Variants in BTBD10 observed in about 807,000 individuals in gnomAD.
BTBD10 encodes the protein BTB domain containing 10, also known as BTB/POZ domain-containing protein 10.
A neutral mutation model predicts 53.2 loss-of-function variants in BTBD10; 21 were observed. The observed-to-expected ratio is 0.39, with a 90% confidence interval of 0.28 to 0.57. BTBD10 has a LOEUF of 0.57. BTBD10 is among the 20% of genes least tolerant of loss of function. BTBD10 has a pLI of 0.53. For missense variants in BTBD10, 360 were observed against 594.7 expected (o/e 0.61, Z 4.10); for synonymous variants, 149 against 192.7 (o/e 0.77, Z 1.88).
At chr11:13,422,312 C>A (rs1833450744) in intron 2 of BTBD10, among the ~76,000 whole-genome samples, 1 of 152,158 alleles carries the variant, frequency 6.6e-6, no homozygotes, top group African/African-American at 2.4e-5. Flanking sequence ...TTCAGTTGAG[C>A]CTTTTCAAAA....
chr11:13,390,439 G>A (rs1949376480), intron 8 of BTBD10, among the ~76,000 whole-genome samples: 1 of 151,966 alleles, frequency 6.6e-6, no homozygotes, highest in South Asian at 2.1e-4. Flanking sequence ...TGTCTTCCGG[G>A]TTCAAGAGAT....
intron 5 of BTBD10, among the ~76,000 whole-genome samples, chr11:13,414,862 A>G (rs1290159281): frequency 6.7e-6 from 1 of 149,456 alleles, no homozygotes; most frequent in Non-Finnish European, 1.5e-5. Context: ...AAAAAAAAAA[A>G]AAAGAAAAGA....
Position 13,417,260 on chromosome 11 carries a change from C to T in BTBD10, c.585G>A (p.Arg195=), listed in dbSNP as rs771964612. Residue 195 remains arginine (R), a splice_region_variant and synonymous_variant, in exon 5 of 9, where the codon AGG becomes AGA. Coordinates refer to ENST00000278174, the MANE Select transcript of BTBD10 (RefSeq NM_032320.7). ...TATGTTCTCGGCCAGATCCAAACAT[C>T]CTATGATAGTAAATAATTGAGAAAT... ...FTAQPNTMLG[R]MFGSGREHNF... is the part of the protein sequence containing the mutation. The T allele has an allele frequency of 1.2e-5, 19 of 1,599,648 alleles. 1 individual carries two copies. The highest frequency in any genetic ancestry group is 1.0e-4 in the South Asian group (9 of 89,200).
chr11:13,428,732 G>A (rs1950393307), intron 2 of BTBD10, among the ~76,000 whole-genome samples: 1 of 152,008 alleles, frequency 6.6e-6, no homozygotes, highest in East Asian at 1.9e-4. Flanking sequence ...ATAAGAATCA[G>A]AAATAAGAAT....
At chr11:13,419,363 C>T in intron 4 of BTBD10, 97 bp downstream of exon 4, 1 of 1,448,614 alleles carries the variant, frequency 6.9e-7, no homozygotes, top group South Asian at 1.3e-5. Flanking sequence ...AGAAATGTTA[C>T]ATTTCAACAG....
chr11:13,413,607 G>T lies in BTBD10; in HGVS notation c.731C>A (p.Ser244Tyr). 3.7e-6 allele frequency: 6 copies of T among 1,611,418 alleles called. No homozygotes were observed. The highest frequency in any genetic ancestry group is 5.1e-6 in the Non-Finnish European group (6 of 1,178,250). Residue 244 changes from serine to tyrosine, a missense_variant, in exon 6 of 9, where the codon TCT (serine) becomes TAT (tyrosine). Coordinates refer to ENST00000278174, the MANE Select transcript of BTBD10 (RefSeq NM_032320.7). ...TGIIRCPDGI[S>Y]IPELREACDY... ...ACATGCTTCTCTCAGTTCAGGAATAGATATGCCATCAGGACAACGGATTAT... is the reference window on the plus strand; with the variant it reads ...ACATGCTTCTCTCAGTTCAGGAATATATATGCCATCAGGACAACGGATTAT...
Position 13,389,061 on chromosome 11 carries a change from A to C in BTBD10, c.1198T>G (p.Phe400Val). ...EVIYNYVQRP[F>V]IRMSWEKEEG... is the part of the protein sequence containing the mutation. Reference sequence around the variant, plus strand: ...TCCTTCTCCCAGGACATTCGAATAAAGGGTCTTTGGACATAGTTGTAGATC... The same window carrying C: ...TCCTTCTCCCAGGACATTCGAATAACGGGTCTTTGGACATAGTTGTAGATC... The change falls in exon 9 of 9, where the codon TTT becomes GTT. Residue 400 changes from phenylalanine to valine, a missense_variant. Physicochemically the swap from Phe to Val is conservative, Grantham distance 50 (BLOSUM62 -1). Transcript: ENST00000278174. The C allele has an allele frequency of 6.2e-7, 1 of 1,614,102 alleles. No homozygotes were observed. The highest frequency in any genetic ancestry group is 8.5e-7 in the Non-Finnish European group (1 of 1,180,036).
rs377317797 is a variant in BTBD10 at position 13,417,168 on chromosome 11, C to T, written c.677G>A (p.Arg226Gln). 1.8e-5 allele frequency: 29 copies of T among 1,611,628 alleles called. No individual in the cohort carries two copies. The highest frequency in any genetic ancestry group is 2.0e-5 in the Non-Finnish European group (24 of 1,179,070). Residue 226 changes from arginine (R) to glutamine (Q), a missense_variant, in exon 5 of 9, where the codon CGA becomes CAA. By Grantham distance (43) the Arg-to-Gln change is conservative (BLOSUM62 1). Coordinates refer to ENST00000278174, the MANE Select transcript of BTBD10 (RefSeq NM_032320.7). ...ATAAGAAACACTCACCAGAATCGCT[C>T]GAAACACAGTGGAACCAATTCCCTC... ...VAEGIGSTVF[R>Q]AILDYYKTGI...
At chr11:13,448,268 T>C (rs996324788) in intron 1 of BTBD10, among the ~76,000 whole-genome samples, 2 of 152,176 alleles carry the variant, frequency 1.3e-5, no homozygotes, top group South Asian at 4.1e-4. Flanking sequence ...TCTATTCAAG[T>C]TGTACTGTTG....
intron 1 of BTBD10, among the ~76,000 whole-genome samples, chr11:13,455,942 A>G (rs1432178424): frequency 3.9e-5 from 6 of 152,150 alleles, no homozygotes; most frequent in Admixed American, 6.5e-5. Context: ...TAAAGGCTCT[A>G]TTAAATATGA....
rs112322073 is a variant in BTBD10, at chr11:13,402,658, ACT to A, written c.1117+508_1117+509del. Among the ~76,000 whole-genome samples the A allele has an allele frequency of 4.3e-3, 662 of 152,226 alleles. 9 individuals carry two copies. The highest frequency in any genetic ancestry group is 0.015 in the African/African-American group (626 of 41,542). On this transcript the variant is annotated intron_variant, in intron 8 of 8. Coordinates refer to ENST00000278174, the MANE Select transcript of BTBD10 (RefSeq NM_032320.7). ...TAATTCATAAAGTAAGCTATCTAAA[ACT>A]CTGTGCATTTACATAAGATGAAAGA...
At chr11:13,394,972 G>C (rs1403775382) in intron 8 of BTBD10, among the ~76,000 whole-genome samples, 5 of 151,128 alleles carry the variant, frequency 3.3e-5, no homozygotes, top group Non-Finnish European at 5.9e-5. Context: ...TTCCAAGTCT[G>C]TGCTATTGTG....
chr11:13,405,482 T>C (rs1413722215), intron 7 of BTBD10, 177 bp downstream of exon 7: 5 of 631,684 alleles, frequency 7.9e-6, no homozygotes. Context: ...TTACAACTAC[T>C]CAACTCTGCC....
chr11:13,401,468 A>G (rs1358528818), intron 8 of BTBD10, among the ~76,000 whole-genome samples: 2 of 152,192 alleles, frequency 1.3e-5, no homozygotes, highest in Non-Finnish European at 2.9e-5. Flanking sequence ...ACCTGAACAG[A>G]GTATTATTTA....
At chr11:13,443,366 AT>A (rs1439381076) in intron 2 of BTBD10, among the ~76,000 whole-genome samples, 1 of 152,110 alleles carries the variant, frequency 6.6e-6, no homozygotes, top group Non-Finnish European at 1.5e-5. Context: ...TGCACTGTTC[AT>A]TTTTATTAAT....
intron 5 of BTBD10, among the ~76,000 whole-genome samples, chr11:13,413,852 T>C (rs1950024397): frequency 6.6e-6 from 1 of 152,178 alleles, no homozygotes; most frequent in Non-Finnish European, 1.5e-5. Flanking sequence ...CAGGTCCAAA[T>C]GAATTCACCG....
At chr11:13,411,706 GT>G (rs1397218135) in intron 6 of BTBD10, among the ~76,000 whole-genome samples, 2 of 151,860 alleles carry the variant, frequency 1.3e-5, no homozygotes, top group Non-Finnish European at 2.9e-5. Flanking sequence ...AAAAATTCTA[GT>G]TTTTTTCTAT....
intron 1 of BTBD10, among the ~76,000 whole-genome samples, chr11:13,462,093 G>A (rs1951113993): frequency 6.6e-6 from 1 of 151,946 alleles, no homozygotes; most frequent in South Asian, 2.1e-4. Flanking sequence ...TCTTTTGGCC[G>A]TTATGGCTGC....
chr11:13,440,194 C>CG lies in BTBD10; in HGVS notation c.101+4829_101+4830insC, dbSNP rs1450513443. The CG allele has an allele frequency of 3.6e-6, 5 of 1,400,854 alleles. No homozygotes were observed. In the East Asian group the frequency reaches 1.2e-4, roughly 34 times the overall value. 86.8% of individuals were successfully genotyped at this position (1,400,854 alleles called of 1,614,324 possible). ...ATATTCAGAGATACAACCCCCTCTA[C>CG]ATATTAATTCAGTTTATTTTCTCAC... On this transcript the variant is annotated intron_variant, in intron 2 of 8. Coordinates refer to ENST00000278174, the MANE Select transcript of BTBD10 (RefSeq NM_032320.7).
Sources: gnomAD v4.1 joint callset for allele counts (sites outside exome capture counted in the v4.1 genomes callset) on GRCh38, gnomAD v4.1.1 for gene constraint, MANE v1.5 for transcripts, NCBI Gene and HGNC (gene_info 2026-07-23, HGNC 2026-07-21) for gene names.